Variants in AGPAT4 observed in about 807,000 individuals in gnomAD.
AGPAT4 encodes 1-acylglycerol-3-phosphate O-acyltransferase 4, also known as 1-acyl-sn-glycerol-3-phosphate acyltransferase delta.
AGPAT4 carries 15 observed loss-of-function variants against 48.0 expected under a neutral mutation model. That is an observed-to-expected ratio of 0.31 (90% CI 0.21 to 0.48). The LOEUF (loss-of-function observed/expected upper bound fraction) is 0.48. AGPAT4 is among the 20% of genes least tolerant of loss of function. AGPAT4 has a pLI of 0.99. For synonymous variants in AGPAT4, 178 were observed against 198.7 expected (o/e 0.90, Z 0.88); for missense variants, 314 against 482.5 (o/e 0.65, Z 3.27).
intron 2 of AGPAT4, among the ~76,000 whole-genome samples, chr6:161,173,932 G>C (rs1780353465): frequency 2.6e-5 from 4 of 152,122 alleles, no homozygotes; most frequent in Admixed American, 1.3e-4. Flanking sequence ...TTTTTGTCAG[G>C]TTTGTCAAAG....
At position 161,148,995 on chromosome 6, in the gene AGPAT4, G is replaced by A. The variant is rs372803094; in HGVS notation, c.767+192C>T. 3.0e-4 allele frequency among the ~76,000 whole-genome samples: 46 copies of A among 152,338 alleles called. 1 individual carries two copies. The highest frequency in any genetic ancestry group is 1.0e-3 in the South Asian group (5 of 4,822). Reference sequence around the variant, plus strand: ...CGAAAAAGCTGGTTACAGAGGATCCGGAAGGAGCTGGGACGGAAGGAGACT... The same window carrying A: ...CGAAAAAGCTGGTTACAGAGGATCCAGAAGGAGCTGGGACGGAAGGAGACT... On this transcript the variant is annotated intron_variant, in intron 6 of 8. Transcript: ENST00000320285. The surrounding 1 kb of genome is among the most constrained non-coding windows in gnomAD (Gnocchi z 5.5).
rs1483091281 is a variant in AGPAT4 at position 161,242,203 on chromosome 6, AGGT to A, written c.-89-9904_-89-9902del. 6.6e-6 allele frequency among the ~76,000 whole-genome samples: 1 copy of A among 152,218 alleles called. No homozygotes were observed. Among genetic ancestry groups the A allele is most frequent in the Non-Finnish European group, 1.5e-5 (1 of 68,028 alleles). The stretch of plus-strand genomic sequence containing the variant: ...GCGAAAACCGAGGTTTAGTTAGAGG[AGGT>A]GAAGTGTAAAGGGCTAATGGTGAGT... On this transcript the variant is annotated intron_variant, in intron 1 of 8. Coordinates refer to ENST00000320285, the MANE Select transcript of AGPAT4 (RefSeq NM_020133.3). This position sits in a 1 kb window ranked among gnomAD's most constrained non-coding sequence, Gnocchi z 5.0.
At chr6:161,257,745 A>G (rs369251584) in intron 1 of AGPAT4, among the ~76,000 whole-genome samples, 9 of 151,784 alleles carry the variant, frequency 5.9e-5, no homozygotes, top group African/African-American at 1.2e-4. Context: ...GAAAGAGAAG[A>G]AAAAAAAAGG....
At position 161,234,591 on chromosome 6, in the gene AGPAT4, T is replaced by C. The variant is rs1782218382; in HGVS notation, c.-89-2289A>G. On this transcript the variant is annotated intron_variant, in intron 1 of 8. Transcript: ENST00000320285. This position sits in a 1 kb window ranked among gnomAD's most constrained non-coding sequence, Gnocchi z 4.4. ...CATAAATAGGAGGGGTTTACATGGG[T>C]TTGCAGCTTGGCAGCAGTAACAGTT... Among the ~76,000 whole-genome samples the C allele has an allele frequency of 6.6e-6, 1 of 152,124 alleles. No homozygotes were observed. The highest frequency in any genetic ancestry group is 2.1e-4 in the South Asian group (1 of 4,818).
chr6:161,191,370 A>C (rs1003307015), intron 2 of AGPAT4, among the ~76,000 whole-genome samples: 14 of 152,206 alleles, frequency 9.2e-5, no homozygotes, highest in African/African-American at 3.4e-4. Context: ...GGTACTTAGG[A>C]ACTGAATGAA....
rs531553588 is a variant in AGPAT4 at position 161,132,263 on chromosome 6, C to T, written c.*4277G>A. On this transcript the variant is annotated 3_prime_UTR_variant, in exon 9 of 9. Transcript: ENST00000320285. ...CTGAAGATCTTTGTAGGGAAGCACC[C>T]TTCTGAGATGAAACCAATTTCTTGT... 1.1e-4 allele frequency: 16 copies of T among 152,324 alleles called. No individual in the cohort carries two copies. Among genetic ancestry groups the T allele is most frequent in the African/African-American group, 3.6e-4 (15 of 41,580 alleles). The allele number at this position is 152,324 out of a possible 1,614,324, so 9.4% of individuals were successfully genotyped here.
chr6:161,153,533 T>G (rs775947374), intron 4 of AGPAT4, 34 bp from the exon 5 acceptor site: 15 of 1,607,894 alleles, frequency 9.3e-6, no homozygotes, highest in Non-Finnish European at 1.3e-5. Flanking sequence ...GCACGCAGCC[T>G]CGGGGTCACA....
chr6:161,215,034 T>A lies in AGPAT4; in HGVS notation c.178+17002A>T, dbSNP rs1331392466. ...ATCCAGCTTCATACTAACAATTTTTTCTTTGGTAGGACTACAAGCTATGTT... is the reference window on the plus strand; with the variant it reads ...ATCCAGCTTCATACTAACAATTTTTACTTTGGTAGGACTACAAGCTATGTT... On this transcript the variant is annotated intron_variant, in intron 2 of 8. Transcript: ENST00000320285. This position sits in a 1 kb window ranked among gnomAD's most constrained non-coding sequence, Gnocchi z 4.5. Among the ~76,000 whole-genome samples, 3 of 152,192 alleles carry A rather than the reference T, an allele frequency of 2.0e-5. No homozygotes were observed. The highest frequency in any genetic ancestry group is 1.3e-4 in the Admixed American group (2 of 15,272).
chr6:161,146,467 C>T lies in AGPAT4; in HGVS notation c.843+57G>A, dbSNP rs1779430162. Reference sequence around the variant, plus strand: ...AAGGCCTGCTACCACACAACACAGCCACACGGCGCACCCACAGCTGCAACG... The same window carrying T: ...AAGGCCTGCTACCACACAACACAGCTACACGGCGCACCCACAGCTGCAACG... On this transcript the variant is annotated intron_variant, in intron 7 of 8. Transcript: ENST00000320285. This position sits in a 1 kb window ranked among gnomAD's most constrained non-coding sequence, Gnocchi z 7.1. The T allele has an allele frequency of 1.3e-6, 2 of 1,561,098 alleles. No individual in the cohort carries two copies. The highest frequency in any genetic ancestry group is 1.8e-6 in the Non-Finnish European group (2 of 1,136,668).
chr6:161,172,247 G>A (rs1235340199), intron 2 of AGPAT4, among the ~76,000 whole-genome samples: 1 of 152,210 alleles, frequency 6.6e-6, no homozygotes, highest in Admixed American at 6.5e-5. Flanking sequence ...GTGCAAGGAG[G>A]AAGGACATGG....
At position 161,158,330 on chromosome 6, in the gene AGPAT4, A is replaced by C. The variant is rs181342586; in HGVS notation, c.349-4020T>G. ...GTGATGCCAACAGCTTTCAGAGAGA[A>C]TGTACAAGAAAATATACTAATTTCA... is the stretch of plus-strand genomic sequence containing the variant. On this transcript the variant is annotated intron_variant, in intron 3 of 8. Coordinates refer to ENST00000320285, the MANE Select transcript of AGPAT4 (RefSeq NM_020133.3). The surrounding 1 kb of genome is among the most constrained non-coding windows in gnomAD (Gnocchi z 5.3). Among the ~76,000 whole-genome samples the C allele has an allele frequency of 3.3e-5, 5 of 152,332 alleles. No individual in the cohort carries two copies. The highest frequency in any genetic ancestry group is 3.3e-4 in the Admixed American group (5 of 15,308).
chr6:161,206,890 A>G lies in AGPAT4; in HGVS notation c.178+25146T>C, dbSNP rs899172200. Among the ~76,000 whole-genome samples the G allele has an allele frequency of 6.6e-6, 1 of 152,254 alleles. No homozygotes were observed. Among genetic ancestry groups the G allele is most frequent in the African/African-American group, 2.4e-5 (1 of 41,470 alleles). ...TTGGTCAAAATAAGACACTCAATGG[A>G]TGAGCTCAGCAGAAGAGTGAAGGAG... is the stretch of plus-strand genomic sequence containing the variant. On this transcript the variant is annotated intron_variant, in intron 2 of 8. Transcript: ENST00000320285. The surrounding 1 kb of genome is among the most constrained non-coding windows in gnomAD (Gnocchi z 4.8).
rs3043142 is a variant in AGPAT4 at position 161,272,705 on chromosome 6, A to AACACACACACACACACACAC, written c.-90+1213_-90+1232dup. On this transcript the variant is annotated intron_variant, in intron 1 of 8. Coordinates refer to ENST00000320285, the MANE Select transcript of AGPAT4 (RefSeq NM_020133.3). This position sits in a 1 kb window ranked among gnomAD's most constrained non-coding sequence, Gnocchi z 4.2. ...TCCCTGCCCGCCTCCCATTTCCCTA[A>AACACACACACACACACACAC]ACACACACACACACACACACACACA... 3.9e-3 allele frequency among the ~76,000 whole-genome samples: 573 copies of AACACACACACACACACACAC among 147,162 alleles called. 7 individuals are homozygous for AACACACACACACACACACAC. Among genetic ancestry groups the AACACACACACACACACACAC allele is most frequent in the African/African-American group, 0.013 (538 of 39,902 alleles).
In AGPAT4 at chr6:161,139,720, G is replaced by C; in HGVS notation, c.844-100C>G. On this transcript the variant is annotated intron_variant, in intron 7 of 8. Coordinates refer to ENST00000320285, the MANE Select transcript of AGPAT4 (RefSeq NM_020133.3). This position sits in a 1 kb window ranked among gnomAD's most constrained non-coding sequence, Gnocchi z 9.1. ...AAGGGAATCGCAGAGATACACAGGT[G>C]CCACCGGGGCTCGGCAGAACTGGGG... The C allele has an allele frequency of 9.4e-7, 1 of 1,060,506 alleles. No individual in the cohort carries two copies. Among genetic ancestry groups the C allele is most frequent in the Non-Finnish European group, 1.4e-6 (1 of 733,186 alleles). 65.7% of individuals were successfully genotyped at this position (1,060,506 alleles called of 1,614,324 possible). A position where few individuals can be genotyped will look rare whatever the true frequency, so the allele number is the denominator to read the frequency against.
chr6:161,258,650 T>C (rs901511230), intron 1 of AGPAT4, among the ~76,000 whole-genome samples: 6 of 151,902 alleles, frequency 3.9e-5, no homozygotes, highest in Non-Finnish European at 8.8e-5. Flanking sequence ...TTCTTATTTC[T>C]CCTCCCCACC....
chr6:161,269,586 A>C (rs1783365661), intron 1 of AGPAT4, among the ~76,000 whole-genome samples: 2 of 152,120 alleles, frequency 1.3e-5, no homozygotes. Context: ...TAGAGGTTGC[A>C]GTGAGCCATG....
chr6:161,228,577 T>A (rs1053954539), intron 2 of AGPAT4, among the ~76,000 whole-genome samples: 7 of 43,288 alleles, frequency 1.6e-4, no homozygotes, highest in African/African-American at 7.0e-4. Context: ...CCCCCTGCCT[T>A]TTTTTTTTTT....
chr6:161,198,439 G>A lies in AGPAT4; in HGVS notation c.179-32022C>T, dbSNP rs532849806. On this transcript the variant is annotated intron_variant, in intron 2 of 8. Transcript: ENST00000320285. The surrounding 1 kb of genome is among the most constrained non-coding windows in gnomAD (Gnocchi z 4.3). ...GCTGTTAAGCATCCTACAATGCACA[G>A]AACAGCCCCATGACAAAGAATGATC... Among the ~76,000 whole-genome samples, 1 of 152,340 alleles carries A rather than the reference G, an allele frequency of 6.6e-6. No individual in the cohort carries two copies. Among genetic ancestry groups the A allele is most frequent in the South Asian group, 2.1e-4 (1 of 4,834 alleles).
intron 2 of AGPAT4, among the ~76,000 whole-genome samples, chr6:161,209,917 C>G (rs979795874): frequency 6.6e-6 from 1 of 151,910 alleles, no homozygotes; most frequent in East Asian, 1.9e-4. Context: ...AGCCAAGACC[C>G]CTTTGTTTCG....
Sources: allele counts gnomAD v4.1 joint callset (sites outside exome capture counted in the v4.1 genomes callset), GRCh38; gene constraint gnomAD v4.1.1; non-coding constraint Gnocchi (gnomAD v3.1); transcripts MANE v1.5; gene names NCBI Gene and HGNC (gene_info 2026-07-23, HGNC 2026-07-21).